SLC9A9: variants seen among roughly 807,000 people sequenced by gnomAD.
The protein encoded by SLC9A9 is solute carrier family 9 member A9.
A neutral mutation model predicts 77.8 loss-of-function variants in SLC9A9; 62 were observed. The observed-to-expected ratio is 0.80, with a 90% confidence interval of 0.65 to 0.98. The LOEUF is 0.98. SLC9A9 is among the 50% of genes least tolerant of loss of function. SLC9A9 has a pLI of 0.00. For synonymous variants in SLC9A9, 320 were observed against 283.5 expected, an observed-to-expected ratio of 1.13 and a Z score of -1.29; for missense variants, 775 against 774.9, an observed-to-expected ratio of 1.00 and a Z score of 0.00.
At chr3:143,635,988 C>G (rs1471912976) in intron 6 of SLC9A9, among the ~76,000 whole-genome samples, 1 of 152,044 alleles carries the variant, frequency 6.6e-6, no homozygotes, top group Non-Finnish European at 1.5e-5. Context: ...TAGAATAAAA[C>G]TATTTTATCC....
intron 13 of SLC9A9, among the ~76,000 whole-genome samples, chr3:143,378,078 C>T (rs576934410): frequency 6.6e-6 from 1 of 152,326 alleles, no homozygotes; most frequent in South Asian, 2.1e-4. Flanking sequence ...AGCCTCCTCG[C>T]CTGTTCTCTA....
intron 5 of SLC9A9, among the ~76,000 whole-genome samples, chr3:143,659,432 A>G (rs570054239): frequency 6.6e-6 from 1 of 152,334 alleles, no homozygotes; most frequent in African/African-American, 2.4e-5. Flanking sequence ...TCTTGCTACA[A>G]AAAGATATGA....
chr3:143,805,711 C>T (rs1172400093), intron 2 of SLC9A9, among the ~76,000 whole-genome samples: 1 of 152,248 alleles, frequency 6.6e-6, no homozygotes, highest in Admixed American at 6.5e-5. Context: ...AGCTCCCCCA[C>T]TGAGCACCTT....
intron 2 of SLC9A9, among the ~76,000 whole-genome samples, chr3:143,816,298 G>A (rs553629622): frequency 2.2e-4 from 34 of 152,220 alleles, no homozygotes; most frequent in Admixed American, 1.3e-3. Flanking sequence ...TGAACTCGTG[G>A]GCTCAAGTGA....
At chr3:143,517,994 C>G in intron 9 of SLC9A9, 1 of 1,423,102 alleles carries the variant, frequency 7.0e-7, no homozygotes, top group South Asian at 1.1e-5. Context: ...TTCTAGATCA[C>G]TTTCTTCACT....
At chr3:143,713,154 T>C (rs976056261) in intron 4 of SLC9A9, among the ~76,000 whole-genome samples, 12 of 152,192 alleles carry the variant, frequency 7.9e-5, no homozygotes, top group South Asian at 2.1e-4. Context: ...CAAGAGAAGA[T>C]GAAAAGAGAA....
chr3:143,622,073 T>C (rs1408433720), intron 6 of SLC9A9, among the ~76,000 whole-genome samples: 2 of 152,002 alleles, frequency 1.3e-5, no homozygotes, highest in Non-Finnish European at 2.9e-5. Context: ...GAAAAAAGAA[T>C]AAAAAGAAAT....
chr3:143,491,365 G>A (rs982470750), intron 11 of SLC9A9, among the ~76,000 whole-genome samples: 2 of 152,048 alleles, frequency 1.3e-5, no homozygotes, highest in Non-Finnish European at 2.9e-5. Flanking sequence ...TATTTTTTAT[G>A]AACTATATGA....
chr3:143,527,862 G>T (rs2036431196), intron 9 of SLC9A9, among the ~76,000 whole-genome samples: 1 of 152,176 alleles, frequency 6.6e-6, no homozygotes, highest in Non-Finnish European at 1.5e-5. Flanking sequence ...GGCAGGATTA[G>T]TAGGACAGAG....
intron 4 of SLC9A9, among the ~76,000 whole-genome samples, chr3:143,747,002 G>A (rs191498334): frequency 2.0e-5 from 3 of 152,024 alleles, no homozygotes; most frequent in East Asian, 3.9e-4. Flanking sequence ...CTCAAATGCC[G>A]TAATTTAAAT....
chr3:143,760,576 G>A (rs1430723510), intron 4 of SLC9A9, among the ~76,000 whole-genome samples: 1 of 152,124 alleles, frequency 6.6e-6, no homozygotes, highest in African/African-American at 2.4e-5. Flanking sequence ...AATCATGAGT[G>A]AACTCCCATT....
Position 143,795,091 on chromosome 3 carries a change from A to G in SLC9A9, c.457-14T>C. The G allele has an allele frequency of 6.2e-7, 1 of 1,606,432 alleles. No homozygotes were observed. The highest frequency in any genetic ancestry group is 8.5e-7 in the Non-Finnish European group (1 of 1,174,132). Reference sequence around the variant, plus strand: ...AAAAAAGTGTCTCTGGGGAGAAAAAAAGATATTTAATAGAGTACATCAGAA... The same window carrying G: ...AAAAAAGTGTCTCTGGGGAGAAAAAGAGATATTTAATAGAGTACATCAGAA... On this transcript the variant is annotated splice_polypyrimidine_tract_variant and intron_variant, in intron 3 of 15. Transcript: ENST00000316549.
intron 4 of SLC9A9, among the ~76,000 whole-genome samples, chr3:143,705,043 A>C (rs370792710): frequency 0.13 from 5,001 of 38,690 alleles, 179 homozygotes; most frequent in East Asian, 0.24. Flanking sequence ...ATCTATCTAT[A>C]TAGATATAGA....
intron 14 of SLC9A9, among the ~76,000 whole-genome samples, chr3:143,317,796 T>C (rs12497617): frequency 0.55 from 83,067 of 151,554 alleles, 24,362 homozygotes; most frequent in African/African-American, 0.76. Flanking sequence ...GGAGTGATCT[T>C]GGCTCACTGC....
chr3:143,764,109 G>C (rs2007226062), intron 4 of SLC9A9, among the ~76,000 whole-genome samples: 1 of 152,034 alleles, frequency 6.6e-6, no homozygotes, highest in South Asian at 2.1e-4. Flanking sequence ...ACTCTGACAG[G>C]GTAAGGAAAG....
chr3:143,433,057 G>A (rs2034554400), intron 12 of SLC9A9, among the ~76,000 whole-genome samples: 1 of 152,234 alleles, frequency 6.6e-6, no homozygotes, highest in African/African-American at 2.4e-5. Context: ...ACTTAACAGT[G>A]AAAGGGAGGT....
At chr3:143,653,476 T>C (rs2038833923) in intron 5 of SLC9A9, among the ~76,000 whole-genome samples, 1 of 152,204 alleles carries the variant, frequency 6.6e-6, no homozygotes, top group Non-Finnish European at 1.5e-5. Context: ...ATTCTGTTTT[T>C]CCTTTCCTAT....
chr3:143,824,825 A>T (rs1375487010), intron 2 of SLC9A9, among the ~76,000 whole-genome samples: 4 of 152,244 alleles, frequency 2.6e-5, no homozygotes, highest in Non-Finnish European at 5.9e-5. Flanking sequence ...TTTGCCAAAA[A>T]TGTTGAATGA....
At chr3:143,621,909 G>C (rs899961205) in intron 6 of SLC9A9, among the ~76,000 whole-genome samples, 2 of 152,124 alleles carry the variant, frequency 1.3e-5, no homozygotes, top group Non-Finnish European at 2.9e-5. Flanking sequence ...GCAATGCAGA[G>C]AAGTGCTTAA....
Sources: allele counts gnomAD v4.1 joint callset (sites outside exome capture counted in the v4.1 genomes callset), GRCh38; gene constraint gnomAD v4.1.1; transcripts MANE v1.5; gene names NCBI Gene and HGNC (gene_info 2026-07-23, HGNC 2026-07-21).